NPAS3: variants seen among roughly 807,000 people sequenced by gnomAD.
The protein encoded by NPAS3 is neuronal PAS domain-containing protein 3.
A neutral mutation model predicts 73.1 loss-of-function variants in NPAS3; 14 were observed. That is an observed-to-expected ratio of 0.19 (90% CI 0.13 to 0.30). NPAS3 has a LOEUF of 0.30. Among genes scored for constraint, NPAS3 ranks in the 10% least tolerant of loss-of-function variants. NPAS3 has a pLI of 1.00. For synonymous variants in NPAS3, 620 were observed against 541.5 expected, an observed-to-expected ratio of 1.14 and a Z score of -2.01; for missense variants, 1,096 against 1,250.0, an observed-to-expected ratio of 0.88 and a Z score of 1.86.
At chr14:33,051,130 C>T (rs1274329709) in intron 1 of NPAS3, among the ~76,000 whole-genome samples, 1 of 151,064 alleles carries the variant, frequency 6.6e-6, no homozygotes, top group Non-Finnish European at 1.5e-5. Context: ...AAAAATTAGC[C>T]GGGCGCGGTG....
intron 1 of NPAS3, among the ~76,000 whole-genome samples, chr14:32,939,978 C>A (rs1415047038): frequency 6.6e-6 from 1 of 152,236 alleles, no homozygotes; most frequent in Non-Finnish European, 1.5e-5. Flanking sequence ...TCCCTGCCTC[C>A]CGGGCTGCGC....
At chr14:33,031,977 G>C (rs1264337875) in intron 1 of NPAS3, among the ~76,000 whole-genome samples, 4 of 152,214 alleles carry the variant, frequency 2.6e-5, no homozygotes, top group Non-Finnish European at 5.9e-5. Flanking sequence ...AGCATAGAAA[G>C]GGAAATCAGA....
At chr14:33,645,814 G>A (rs1288893887) in intron 5 of NPAS3, among the ~76,000 whole-genome samples, 1 of 152,248 alleles carries the variant, frequency 6.6e-6, no homozygotes, top group Non-Finnish European at 1.5e-5. Flanking sequence ...AATGAGAAGA[G>A]CTAGAGCACC....
chr14:33,094,486 G>C, intron 2 of NPAS3, among the ~76,000 whole-genome samples: 1 of 139,422 alleles, frequency 7.2e-6, no homozygotes, highest in Admixed American at 7.1e-5. Flanking sequence ...TTTTTTTTGA[G>C]ATGGAGTCTC....
chr14:33,169,044 G>A (rs771089707), intron 2 of NPAS3, among the ~76,000 whole-genome samples: 1 of 152,210 alleles, frequency 6.6e-6, no homozygotes, highest in Non-Finnish European at 1.5e-5. Context: ...ATAAGAGCAT[G>A]TTGGGAGTTT....
chr14:33,207,220 A>G (rs1326179492), intron 2 of NPAS3, among the ~76,000 whole-genome samples: 1 of 149,956 alleles, frequency 6.7e-6, no homozygotes, highest in Non-Finnish European at 1.5e-5. Context: ...GGAAGTTCTC[A>G]GCTCAAAGAA....
chr14:33,425,017 G>C (rs1438112224), intron 4 of NPAS3, among the ~76,000 whole-genome samples: 1 of 151,912 alleles, frequency 6.6e-6, no homozygotes. Context: ...AGATGTAGAA[G>C]GAAAACCAAG....
At chr14:33,435,226 A>C (rs1247640643) in intron 4 of NPAS3, among the ~76,000 whole-genome samples, 1 of 152,224 alleles carries the variant, frequency 6.6e-6, no homozygotes, top group Non-Finnish European at 1.5e-5. Context: ...TTAGAGAGAA[A>C]GAGAATAGAT....
Position 33,158,808 on chromosome 14 carries a change from G to A in NPAS3, c.141-56374G>A, listed in dbSNP as rs148116041. ...AAACTGAAAGCATGTTATTCATGTCGGGGATTTGATTATTGTAGTTAGGGA... is the reference window on the plus strand; with the variant it reads ...AAACTGAAAGCATGTTATTCATGTCAGGGATTTGATTATTGTAGTTAGGGA... On this transcript the variant is annotated intron_variant, in intron 2 of 11. Transcript: ENST00000356141. 3.3e-3 allele frequency among the ~76,000 whole-genome samples: 499 copies of A among 152,224 alleles called. 3 individuals carry two copies. Among genetic ancestry groups the A allele is most frequent in the African/African-American group, 0.011 (452 of 41,530 alleles).
chr14:33,778,402 T>G, intron 8 of NPAS3, 64 bp from the exon 9 acceptor site: 3 of 1,176,526 alleles, frequency 2.5e-6, no homozygotes, highest in Non-Finnish European at 3.8e-6. Context: ...TGTTTCTAAG[T>G]TATTTGACAG....
intron 5 of NPAS3, among the ~76,000 whole-genome samples, chr14:33,645,023 A>G (rs61972990): frequency 0.023 from 3,423 of 151,470 alleles, 87 homozygotes; most frequent in Admixed American, 0.057. Flanking sequence ...GGAGGTTGCA[A>G]TGAGCTGAGA....
At position 33,369,149 on chromosome 14, in the gene NPAS3, C is replaced by T. The variant is rs2045967784; in HGVS notation, c.468+1881C>T. Among the ~76,000 whole-genome samples the T allele has an allele frequency of 2.0e-5, 3 of 151,960 alleles. No homozygotes were observed. In the South Asian group the frequency reaches 6.2e-4, roughly 31 times the overall value. On this transcript the variant is annotated intron_variant, in intron 4 of 11. Coordinates refer to ENST00000356141, the Ensembl canonical transcript of NPAS3. ...TCAACATTATACTTCATTGAGAGAA[C>T]ACAGGATCTAGAATGGGGCTGCAAG...
At chr14:33,044,656 T>TG (rs2040445514) in intron 1 of NPAS3, among the ~76,000 whole-genome samples, 1 of 143,932 alleles carries the variant, frequency 6.9e-6, no homozygotes, top group Admixed American at 6.8e-5. Context: ...GTTAGTTTGT[T>TG]TTTTTTTTTT....
intron 7 of NPAS3, among the ~76,000 whole-genome samples, chr14:33,739,364 G>A (rs753322472): frequency 6.6e-6 from 1 of 152,116 alleles, no homozygotes; most frequent in Non-Finnish European, 1.5e-5. Context: ...CCTCCTTTAT[G>A]ATATAAAGAA....
intron 4 of NPAS3, among the ~76,000 whole-genome samples, chr14:33,400,565 G>T (rs2047403241): frequency 6.6e-6 from 1 of 152,054 alleles, no homozygotes; most frequent in Non-Finnish European, 1.5e-5. Flanking sequence ...ATAAATTAAT[G>T]GACCTAATTA....
chr14:33,159,220 T>C (rs1418024347), intron 2 of NPAS3, among the ~76,000 whole-genome samples: 1 of 152,066 alleles, frequency 6.6e-6, no homozygotes, highest in Non-Finnish European at 1.5e-5. Flanking sequence ...TAATTCCCCA[T>C]TTTATTTTTC....
intron 4 of NPAS3, among the ~76,000 whole-genome samples, chr14:33,511,407 A>G (rs781126279): frequency 3.3e-5 from 5 of 152,172 alleles, no homozygotes; most frequent in Non-Finnish European, 7.4e-5. Flanking sequence ...AGACAATTCA[A>G]TTATGAACTG....
chr14:33,020,918 G>T (rs548125708), intron 1 of NPAS3, among the ~76,000 whole-genome samples: 1 of 152,026 alleles, frequency 6.6e-6, no homozygotes. Flanking sequence ...GTGCCACCAC[G>T]CCCAGGTAAT....
chr14:33,760,642 G>A (rs940164609), intron 7 of NPAS3, among the ~76,000 whole-genome samples: 1 of 151,712 alleles, frequency 6.6e-6, no homozygotes, highest in Admixed American at 6.6e-5. Context: ...GGTGAGTGGG[G>A]TCAGTTTGCC....
Sources: allele counts gnomAD v4.1 joint callset (sites outside exome capture counted in the v4.1 genomes callset), GRCh38; gene constraint gnomAD v4.1.1; transcripts MANE v1.5; gene names NCBI Gene and HGNC (gene_info 2026-07-23, HGNC 2026-07-21).